The following SCMH1 variants were observed in gnomAD, a reference collection of about 807,000 sequenced individuals.
The protein encoded by SCMH1 is Scm polycomb group protein homolog 1, also known as polycomb protein SCMH1.
Under a neutral mutation model 70.8 loss-of-function variants are expected in SCMH1, and 37 were observed. The ratio of observed to expected loss-of-function variants is 0.52; its 90% CI spans 0.40 to 0.69. The LOEUF (loss-of-function observed/expected upper bound fraction) is 0.69, where lower values mean the gene tolerates loss of function less well. Ranked by LOEUF, SCMH1 falls within the 30% of genes least tolerant of loss-of-function variation. SCMH1 has a pLI of 0.00. For missense variants in SCMH1, 607 were observed against 827.3 expected (o/e 0.73, Z 3.27); for synonymous variants, 292 against 307.4 (o/e 0.95, Z 0.52).
chr1:41,047,109 C>A (rs1646963555), intron 11 of SCMH1, among the ~76,000 whole-genome samples: 1 of 152,160 alleles, frequency 6.6e-6, no homozygotes, highest in African/African-American at 2.4e-5. Flanking sequence ...TTCCTATCAT[C>A]TTTTTCTATA....
chr1:41,209,437 C>G (rs1573082438), intron 1 of SCMH1, among the ~76,000 whole-genome samples: 1 of 152,218 alleles, frequency 6.6e-6, no homozygotes, highest in Non-Finnish European at 1.5e-5. Flanking sequence ...AGACCAATAT[C>G]CCCGATGAAC....
rs183791537 is a variant in SCMH1, at chr1:41,239,480, C to T, written c.-118+2579G>A. On this transcript the variant is annotated intron_variant, in intron 1 of 14. Transcript: ENST00000337495. ...TCTCACCTTGTATATCTCAGCTATG[C>T]GTAGTTCTCATCTTTTATTCTGAGA... Among the ~76,000 whole-genome samples, 13 of 152,322 alleles carry T rather than the reference C, an allele frequency of 8.5e-5. No homozygotes were observed. The East Asian group carries it at 2.3e-3, about 27-fold the overall frequency.
intron 5 of SCMH1, among the ~76,000 whole-genome samples, chr1:41,146,893 AT>A (rs1644630123): frequency 6.6e-6 from 1 of 151,928 alleles, no homozygotes; most frequent in African/African-American, 2.4e-5. Context: ...AGTCCACTCT[AT>A]TTTTTTAATG....
chr1:41,136,773 CTTTTTTTT>C (rs67410901), intron 6 of SCMH1, among the ~76,000 whole-genome samples: 23 of 108,428 alleles, frequency 2.1e-4, no homozygotes, highest in Admixed American at 1.0e-3. Flanking sequence ...AAGGACAGTA[CTTTTTTTT>C]TTTTTTTTTT....
Position 41,028,314 on chromosome 1 carries a change from G to A in SCMH1, c.1827C>T (p.Ile609=), listed in dbSNP as rs754894150. The stretch of plus-strand genomic sequence containing the variant: ...GCAGCAGCAGCAGGGCCTTGCCATC[G>A]ATCTCCTGGGGGGTGGGGAGGTGGG... The change falls in exon 15 of 15, where the codon ATC becomes ATT. Residue 609 remains isoleucine, a synonymous_variant. Coordinates refer to ENST00000337495, the Ensembl canonical transcript of SCMH1. The A allele has an allele frequency of 3.6e-5, 57 of 1,570,526 alleles. No individual in the cohort carries two copies. The East Asian group carries it at 8.3e-4, about 23-fold the overall frequency.
At chr1:41,148,796 A>G (rs544073290) in intron 5 of SCMH1, among the ~76,000 whole-genome samples, 83 of 151,750 alleles carry the variant, frequency 5.5e-4, no homozygotes, top group Middle Eastern at 3.4e-3. Flanking sequence ...TTATTTATTT[A>G]CTTATTTATT....
chr1:41,138,901 A>G (rs1479070329), intron 6 of SCMH1, among the ~76,000 whole-genome samples: 8 of 152,094 alleles, frequency 5.3e-5, no homozygotes, highest in Admixed American at 1.3e-4. Flanking sequence ...CCATTTTTAT[A>G]TATCTTAAAT....
At chr1:41,125,095 T>C (rs1394013208) in intron 6 of SCMH1, among the ~76,000 whole-genome samples, 1 of 152,200 alleles carries the variant, frequency 6.6e-6, no homozygotes, top group African/African-American at 2.4e-5. Flanking sequence ...GAGAGAAACT[T>C]TGAGACTGTG....
chr1:41,200,497 GTAATAA>G (rs144049265), intron 1 of SCMH1, among the ~76,000 whole-genome samples: 21,687 of 146,164 alleles, frequency 0.15, 2,063 homozygotes, highest in Non-Finnish European at 0.21. Context: ...ATAAATAAAT[GTAATAA>G]TAATAATAAT....
chr1:41,098,079 A>C (rs1261738603), intron 8 of SCMH1, among the ~76,000 whole-genome samples: 1 of 152,170 alleles, frequency 6.6e-6, no homozygotes, highest in Non-Finnish European at 1.5e-5. Context: ...AGTTCTATCC[A>C]GTCTTCCCTC....
chr1:41,215,262 A>G (rs1453248976), intron 1 of SCMH1, among the ~76,000 whole-genome samples: 1 of 152,112 alleles, frequency 6.6e-6, no homozygotes. Context: ...ATTCCATCCT[A>G]TAAAAGACAA....
Position 41,219,603 on chromosome 1 carries a change from G to A in SCMH1, c.-118+22456C>T, listed in dbSNP as rs187705383. ...ATAATTGAAGTCCTATGGTAGCTCA[G>A]TATACTCAATAGTAACCAGTGTTTA... On this transcript the variant is annotated intron_variant, in intron 1 of 14. Coordinates refer to ENST00000337495, the Ensembl canonical transcript of SCMH1. Among the ~76,000 whole-genome samples the A allele has an allele frequency of 4.3e-3, 653 of 152,340 alleles. 3 individuals are homozygous for A. The highest frequency in any genetic ancestry group is 0.015 in the African/African-American group (606 of 41,564).
At chr1:41,221,870 G>A (rs1659357194) in intron 1 of SCMH1, among the ~76,000 whole-genome samples, 1 of 139,930 alleles carries the variant, frequency 7.1e-6, no homozygotes. Flanking sequence ...CTCCAGCCTG[G>A]GTGACAGAGC....
intron 8 of SCMH1, among the ~76,000 whole-genome samples, chr1:41,095,447 C>T (rs1383672437): frequency 1.3e-5 from 2 of 152,126 alleles, no homozygotes; most frequent in Non-Finnish European, 2.9e-5. Flanking sequence ...TGACAGCACA[C>T]GTATTGGGCA....
At position 41,126,575 on chromosome 1, in the gene SCMH1, C is replaced by T. The variant is rs147110406; in HGVS notation, c.413-9565G>A. Among the ~76,000 whole-genome samples, 38 of 152,208 alleles carry T rather than the reference C, an allele frequency of 2.5e-4. No individual in the cohort carries two copies. In the East Asian group the frequency reaches 6.0e-3, roughly 24 times the overall value. Reference sequence around the variant, plus strand: ...TTTTTACAAAAATAAATTTAAAATGCATACTTTCATATGTTATATATGTGT... The same window carrying T: ...TTTTTACAAAAATAAATTTAAAATGTATACTTTCATATGTTATATATGTGT... On this transcript the variant is annotated intron_variant, in intron 6 of 14. Coordinates refer to ENST00000337495, the Ensembl canonical transcript of SCMH1.
chr1:41,123,349 C>T (rs944712441), intron 6 of SCMH1, among the ~76,000 whole-genome samples: 4 of 152,162 alleles, frequency 2.6e-5, no homozygotes, highest in African/African-American at 9.7e-5. Flanking sequence ...ACAAAGGATT[C>T]CTTTGAAGTT....
chr1:41,172,227 T>G (rs1011812133), intron 2 of SCMH1, among the ~76,000 whole-genome samples: 4 of 147,850 alleles, frequency 2.7e-5, no homozygotes, highest in Admixed American at 6.7e-5. Context: ...TTCTTAGAAC[T>G]GATAAACAAA....
At chr1:41,171,365 C>T (rs1646770815) in intron 2 of SCMH1, among the ~76,000 whole-genome samples, 1 of 152,124 alleles carries the variant, frequency 6.6e-6, no homozygotes, top group South Asian at 2.1e-4. Flanking sequence ...CCTTATCCAC[C>T]ATTACAGACA....
chr1:41,035,746 T>C (rs1394167846), intron 13 of SCMH1, among the ~76,000 whole-genome samples: 1 of 152,134 alleles, frequency 6.6e-6, no homozygotes, highest in Non-Finnish European at 1.5e-5. Context: ...CTTGAAGGGC[T>C]CCCATTCTGA....
Sources: allele counts gnomAD v4.1 joint callset (sites outside exome capture counted in the v4.1 genomes callset), GRCh38; gene constraint gnomAD v4.1.1; transcripts MANE v1.5; gene names NCBI Gene and HGNC (gene_info 2026-07-23, HGNC 2026-07-21).